Variants in DLG2 observed in about 807,000 individuals in gnomAD.
DLG2 encodes the protein disks large homolog 2.
DLG2 carries 45 observed loss-of-function variants against 132.5 expected under a neutral mutation model. The ratio of observed to expected loss-of-function variants is 0.34; its 90% CI spans 0.27 to 0.44. The LOEUF (loss-of-function observed/expected upper bound fraction) is 0.44, where lower values mean the gene tolerates loss of function less well. Among genes scored for constraint, DLG2 ranks in the 20% least tolerant of loss-of-function variants. DLG2 has a pLI of 1.00. For missense variants in DLG2, 1,045 were observed against 1,196.9 expected (o/e 0.87, Z 1.87); for synonymous variants, 424 against 419.6 (o/e 1.01, Z -0.13).
chr11:85,543,796 T>G (rs2076125379), intron 3 of DLG2, among the ~76,000 whole-genome samples: 2 of 152,212 alleles, frequency 1.3e-5, no homozygotes, highest in Non-Finnish European at 1.5e-5. Flanking sequence ...TTTGGAGAAG[T>G]GTCTGTTCAT....
chr11:85,541,322 T>C (rs2075955663), intron 3 of DLG2, among the ~76,000 whole-genome samples: 1 of 152,048 alleles, frequency 6.6e-6, no homozygotes, highest in Admixed American at 6.6e-5. Flanking sequence ...ATATACTAGG[T>C]CATTTCTTTC....
At chr11:84,888,828 T>C (rs919252813) in intron 6 of DLG2, among the ~76,000 whole-genome samples, 18 of 152,162 alleles carry the variant, frequency 1.2e-4, no homozygotes, top group African/African-American at 3.9e-4. Flanking sequence ...CTGCTATTAC[T>C]GTGGTCAGTG....
chr11:84,116,249 A>G (rs2093628252), intron 9 of DLG2, among the ~76,000 whole-genome samples: 1 of 152,226 alleles, frequency 6.6e-6, no homozygotes, highest in African/African-American at 2.4e-5. Context: ...CTTGTGAAGA[A>G]TGATGTTTTC....
rs185163556 is a variant in DLG2 at position 84,871,611 on chromosome 11, C to A, written c.357+240050G>T. Among the ~76,000 whole-genome samples the A allele has an allele frequency of 2.0e-5, 3 of 151,088 alleles. No individual in the cohort carries two copies. In the East Asian group the frequency reaches 5.8e-4, roughly 29 times the overall value. ...ATTTTTTAATCTGCAAAAAAGCAAG[C>A]TGAAAAGAAATATAATTGGGTATAA... On this transcript the variant is annotated intron_variant, in intron 6 of 27. Coordinates refer to ENST00000376104, the MANE Select transcript of DLG2 (RefSeq NM_001142699.3).
chr11:83,727,102 C>T (rs1334540246), intron 18 of DLG2, among the ~76,000 whole-genome samples: 2 of 152,180 alleles, frequency 1.3e-5, no homozygotes, highest in Non-Finnish European at 2.9e-5. Context: ...GTTGTTTTAA[C>T]AATATAAGAG....
intron 6 of DLG2, among the ~76,000 whole-genome samples, chr11:84,791,582 T>C (rs566174477): frequency 6.6e-6 from 1 of 152,340 alleles, no homozygotes; most frequent in Admixed American, 6.5e-5. Flanking sequence ...ACATGGAATA[T>C]CTTTTTATGT....
At chr11:85,576,475 C>T (rs1229526023) in intron 3 of DLG2, among the ~76,000 whole-genome samples, 2 of 152,102 alleles carry the variant, frequency 1.3e-5, no homozygotes, top group African/African-American at 2.4e-5. Flanking sequence ...TTTTTGTAAA[C>T]CCAAAGATCC....
chr11:83,883,549 A>G (rs7126784), intron 15 of DLG2, among the ~76,000 whole-genome samples: 14,677 of 152,278 alleles, frequency 0.096, 846 homozygotes, highest in Middle Eastern at 0.2. Context: ...AATCTCCATG[A>G]AAAACTCTTT....
In DLG2 at chr11:84,273,260, A is replaced by G. The variant is rs1415662610; in HGVS notation, c.520-21969T>C. ...AGAAACACTTGGCCGTTGCATAGCG[A>G]AAGCTGGTAACACTCAAACTGAGCT... On this transcript the variant is annotated intron_variant, in intron 7 of 27. Transcript: ENST00000376104. The G allele has an allele frequency of 4.6e-6, 7 of 1,530,208 alleles. 1 individual carries two copies. In the South Asian group the frequency reaches 6.4e-5, roughly 14 times the overall value. The allele number at this position is 1,530,208 out of a possible 1,614,324, so 94.8% of individuals were successfully genotyped here.
intron 4 of DLG2, among the ~76,000 whole-genome samples, chr11:85,257,539 A>C (rs2076730777): frequency 6.6e-6 from 1 of 152,192 alleles, no homozygotes; most frequent in Non-Finnish European, 1.5e-5. Context: ...CATTGACAAC[A>C]AAGTGATTAG....
intron 7 of DLG2, among the ~76,000 whole-genome samples, chr11:84,398,237 G>C (rs2098817454): frequency 6.6e-6 from 1 of 152,154 alleles, no homozygotes; most frequent in Non-Finnish European, 1.5e-5. Context: ...GGGAGTGCTG[G>C]CCAAGTGTTA....
At chr11:84,218,847 T>C (rs983831590) in intron 8 of DLG2, among the ~76,000 whole-genome samples, 4 of 152,212 alleles carry the variant, frequency 2.6e-5, no homozygotes, top group African/African-American at 9.6e-5. Flanking sequence ...CTACAGTGCA[T>C]AGAACAGCTC....
intron 14 of DLG2, among the ~76,000 whole-genome samples, chr11:83,939,040 T>C (rs767559603): frequency 6.6e-6 from 1 of 152,238 alleles, no homozygotes; most frequent in Non-Finnish European, 1.5e-5. Flanking sequence ...AGACTCACAA[T>C]GGATCATCGG....
intron 4 of DLG2, among the ~76,000 whole-genome samples, chr11:85,263,936 C>T (rs998427210): frequency 1.4e-4 from 22 of 152,146 alleles, no homozygotes; most frequent in African/African-American, 4.8e-4. Context: ...AAGGAAACAA[C>T]AGGCATCACA....
chr11:84,484,298 C>T (rs1391687188), intron 7 of DLG2, among the ~76,000 whole-genome samples: 1 of 152,148 alleles, frequency 6.6e-6, no homozygotes, highest in Non-Finnish European at 1.5e-5. Context: ...CTTGCTGAAA[C>T]AATTTCATGA....
chr11:83,746,027 T>C (rs749001698), intron 18 of DLG2, among the ~76,000 whole-genome samples: 2 of 152,004 alleles, frequency 1.3e-5, no homozygotes. Context: ...TCACAATGAG[T>C]TACCATCTCA....
intron 3 of DLG2, among the ~76,000 whole-genome samples, chr11:85,416,367 A>G (rs1176110532): frequency 6.6e-6 from 1 of 152,210 alleles, no homozygotes; most frequent in African/African-American, 2.4e-5. Flanking sequence ...GTTTGAAGTC[A>G]GGTAGCATGA....
At chr11:85,219,392 T>C (rs924905476) in intron 4 of DLG2, among the ~76,000 whole-genome samples, 2 of 152,152 alleles carry the variant, frequency 1.3e-5, no homozygotes. Context: ...CTTTAGTCTC[T>C]GTCACTAGGG....
In DLG2 at chr11:84,506,079, C is replaced by CTTTTTTTTTTTT. The variant is rs779039240; in HGVS notation, c.519+28479_519+28490dup. On this transcript the variant is annotated intron_variant, in intron 7 of 27. Transcript: ENST00000376104. ...CTAATGTTATGACAGAGGCTCAGTT[C>CTTTTTTTTTTTT]TTTTTTTTTTTTTTGAGACGGAGTC... 4.2e-4 allele frequency among the ~76,000 whole-genome samples: 45 copies of CTTTTTTTTTTTT among 107,012 alleles called. 3 individuals carry two copies. The highest frequency in any genetic ancestry group is 1.3e-3 in the African/African-American group (26 of 19,734). 70.2% of individuals were successfully genotyped at this position (107,012 alleles called of 152,430 possible). A position where few individuals can be genotyped will look rare whatever the true frequency, so the allele number is the denominator to read the frequency against.
Sources: gnomAD v4.1 joint callset for allele counts (sites outside exome capture counted in the v4.1 genomes callset) on GRCh38, gnomAD v4.1.1 for gene constraint, MANE v1.5 for transcripts, NCBI Gene and HGNC (gene_info 2026-07-23, HGNC 2026-07-21) for gene names.